The following TMEM144 variants were observed in gnomAD, a reference collection of about 807,000 sequenced individuals.
The protein encoded by TMEM144 is transmembrane protein 144.
A neutral mutation model predicts 43.6 loss-of-function variants in TMEM144; 39 were observed. The observed-to-expected ratio is 0.90, with a 90% confidence interval of 0.69 to 1.17. TMEM144 has a LOEUF of 1.17. Ranked by LOEUF, TMEM144 falls within the 50% of genes most tolerant of loss-of-function variation. The pLI is 0.00. For missense variants in TMEM144, 417 were observed against 411.9 expected, an observed-to-expected ratio of 1.01 and a Z score of -0.11; for synonymous variants, 154 against 133.6, an observed-to-expected ratio of 1.15 and a Z score of -1.06.
chr4:158,244,895 G>A (rs1234524762), intron 12 of TMEM144, among the ~76,000 whole-genome samples: 1 of 152,046 alleles, frequency 6.6e-6, no homozygotes, highest in Non-Finnish European at 1.5e-5. Context: ...CATCTCCAAT[G>A]GAAAAATGCT....
intron 6 of TMEM144, among the ~76,000 whole-genome samples, chr4:158,224,013 A>G (rs1430772466): frequency 1.3e-5 from 2 of 152,148 alleles, no homozygotes; most frequent in Admixed American, 6.5e-5. Context: ...GGTTGAACTA[A>G]TTTATATTCC....
intron 12 of TMEM144, among the ~76,000 whole-genome samples, chr4:158,248,708 T>C (rs1736018041): frequency 6.6e-6 from 1 of 152,178 alleles, no homozygotes; most frequent in South Asian, 2.1e-4. Flanking sequence ...AAACCTGTTA[T>C]CTGCAGGACT....
chr4:158,241,077 TAAAGTGCTGTG>T (rs1476668288), intron 10 of TMEM144, among the ~76,000 whole-genome samples: 1 of 152,004 alleles, frequency 6.6e-6, no homozygotes, highest in Non-Finnish European at 1.5e-5. Context: ...AATGCCTAGC[TAAAGTGCTGTG>T]AAAGTTTTAG....
At position 158,235,639 on chromosome 4, in the gene TMEM144, C is replaced by T. The variant is rs184193101; in HGVS notation, c.563+134C>T. ...GCAAGCTTTGACTTCTATCTCCATG[C>T]GGCGAGGTTTTTTTGTCCCCAGCTG... On this transcript the variant is annotated intron_variant, in intron 8 of 12. Transcript: ENST00000296529. 277 of 905,656 alleles carry T rather than the reference C, an allele frequency of 3.1e-4. 2 individuals are homozygous for T. The South Asian group carries it at 7.5e-3, about 25-fold the overall frequency. 56.1% of individuals were successfully genotyped at this position (905,656 alleles called of 1,614,324 possible). A position where few individuals can be genotyped will look rare whatever the true frequency, so the allele number is the denominator to read the frequency against.
intron 12 of TMEM144, among the ~76,000 whole-genome samples, chr4:158,247,844 G>A (rs1313025125): frequency 6.6e-6 from 1 of 150,464 alleles, no homozygotes; most frequent in African/African-American, 2.4e-5. Context: ...TATAATTCCT[G>A]TAAAATCCCA....
chr4:158,236,947 C>G (rs772807686), intron 8 of TMEM144, among the ~76,000 whole-genome samples: 2 of 152,094 alleles, frequency 1.3e-5, no homozygotes, highest in Non-Finnish European at 2.9e-5. Context: ...GAAACATTTT[C>G]TTTTTTATAA....
At chr4:158,236,724 C>T (rs746738623) in intron 8 of TMEM144, among the ~76,000 whole-genome samples, 42 of 151,976 alleles carry the variant, frequency 2.8e-4, no homozygotes, top group Admixed American at 7.2e-4. Flanking sequence ...CTCACTCTGT[C>T]GCCTGGGCTG....
At chr4:158,242,380 A>C (rs965349653) in intron 11 of TMEM144, among the ~76,000 whole-genome samples, 3 of 152,216 alleles carry the variant, frequency 2.0e-5, no homozygotes, top group African/African-American at 7.2e-5. Context: ...CAGAAGAGTT[A>C]GTCCCTACCC....
intron 6 of TMEM144, among the ~76,000 whole-genome samples, chr4:158,220,540 C>A (rs529012423): frequency 1.3e-5 from 2 of 152,310 alleles, no homozygotes; most frequent in African/African-American, 4.8e-5. Context: ...ACCACTTCCA[C>A]CTATGTGGCC....
chr4:158,253,241 G>T (rs372909871), intron 12 of TMEM144, among the ~76,000 whole-genome samples: 2 of 152,268 alleles, frequency 1.3e-5, no homozygotes, highest in African/African-American at 4.8e-5. Context: ...AAGCTTAGTG[G>T]GTGCCCACAT....
chr4:158,255,193 A>G lies in TMEM144; in HGVS notation c.*1666A>G, dbSNP rs1284149285. On this transcript the variant is annotated 3_prime_UTR_variant, in exon 13 of 13. Coordinates refer to ENST00000296529, the MANE Select transcript of TMEM144 (RefSeq NM_018342.5). ...TATTGAATTGCTAATACAAATAAAT[A>G]TTTGACTATAACTTCTTATACTCAT... The G allele has an allele frequency of 6.6e-6, 1 of 152,118 alleles. No homozygotes were observed. Among genetic ancestry groups the G allele is most frequent in the Admixed American group, 6.6e-5 (1 of 15,250 alleles). The allele number at this position is 152,118 out of a possible 1,614,324, so 9.4% of individuals were successfully genotyped here.
At chr4:158,232,851 A>T (rs750772677) in intron 6 of TMEM144, 50 bp from the exon 7 acceptor site, 11 of 1,281,340 alleles carry the variant, frequency 8.6e-6, no homozygotes, top group Non-Finnish European at 1.1e-5. Flanking sequence ...AAGCAGCTTG[A>T]TATAAACCAG....
chr4:158,211,018 A>G (rs1234040936), intron 1 of TMEM144: 3 of 152,254 alleles, frequency 2.0e-5, no homozygotes, highest in Non-Finnish European at 4.4e-5. Context: ...TGCAGGAAGA[A>G]TTGGGAAAAA....
At chr4:158,212,921 T>G (rs1467714031) in intron 3 of TMEM144, 145 bp downstream of exon 3, 4 of 700,900 alleles carry the variant, frequency 5.7e-6, no homozygotes, top group African/African-American at 3.6e-5. Context: ...CATTTGACAG[T>G]GCTCATACCA....
chr4:158,237,762 G>A (rs577424612), intron 9 of TMEM144, 119 bp downstream of exon 9: 45 of 678,794 alleles, frequency 6.6e-5, no homozygotes, highest in African/African-American at 4.6e-4. Context: ...TGTAAGTGGC[G>A]AATTAGAAAG....
rs375488509 is a variant in TMEM144 at position 158,218,055 on chromosome 4, C to T, written c.332+635C>T. Among the ~76,000 whole-genome samples the T allele has an allele frequency of 3.3e-5, 5 of 152,126 alleles. No homozygotes were observed. The East Asian group carries it at 7.7e-4, about 23-fold the overall frequency. ...CCACAAAGCCTAAATTATCTACAAC[C>T]GCCTTCGAGAAAAAGTTTGCCAGTC... On this transcript the variant is annotated intron_variant, in intron 5 of 12. Transcript: ENST00000296529.
At chr4:158,229,020 C>T (rs927052634) in intron 6 of TMEM144, among the ~76,000 whole-genome samples, 1 of 152,058 alleles carries the variant, frequency 6.6e-6, no homozygotes, top group African/African-American at 2.4e-5. Context: ...TTTACAGAGC[C>T]TTTCCATACA....
intron 12 of TMEM144, among the ~76,000 whole-genome samples, chr4:158,246,341 T>A (rs1267143846): frequency 6.6e-6 from 1 of 152,230 alleles, no homozygotes; most frequent in African/African-American, 2.4e-5. Context: ...AGGAGATTGA[T>A]GTTGCTAATC....
intron 6 of TMEM144, among the ~76,000 whole-genome samples, chr4:158,226,422 T>G (rs1433782908): frequency 6.6e-6 from 1 of 152,172 alleles, no homozygotes; most frequent in Non-Finnish European, 1.5e-5. Context: ...ACAGAAAAAC[T>G]GCATGATACC....
Sources: gnomAD v4.1 joint callset for allele counts (sites outside exome capture counted in the v4.1 genomes callset) on GRCh38, gnomAD v4.1.1 for gene constraint, MANE v1.5 for transcripts, NCBI Gene and HGNC (gene_info 2026-07-23, HGNC 2026-07-21) for gene names.